ASS1: variants seen among roughly 807,000 people sequenced by gnomAD.
The protein encoded by ASS1 is argininosuccinate synthase.
In ASS1, 58 loss-of-function variants were observed where a neutral mutation model predicts 60.5. That is an observed-to-expected ratio of 0.96 (90% CI 0.78 to 1.19). The LOEUF is 1.19. Among genes scored for constraint, ASS1 ranks in the 50% most tolerant of loss-of-function variants. The pLI, the probability that ASS1 is intolerant of heterozygous loss-of-function variation, is 0.00. For synonymous variants in ASS1, 200 were observed against 206.9 expected (o/e 0.97, Z 0.29); for missense variants, 454 against 547.3 (o/e 0.83, Z 1.70).
intron 8 of ASS1, among the ~76,000 whole-genome samples, chr9:130,473,926 C>T (rs1284458528): frequency 6.6e-6 from 1 of 152,118 alleles, no homozygotes; most frequent in African/African-American, 2.4e-5. Context: ...GCCTCTACAT[C>T]ATGGTTTAGT....
At chr9:130,485,262 G>T (rs1018528483) in intron 11 of ASS1, among the ~76,000 whole-genome samples, 1 of 152,156 alleles carries the variant, frequency 6.6e-6, no homozygotes, top group Non-Finnish European at 1.5e-5. Flanking sequence ...GGCACACCTG[G>T]AGGACGCTCT....
intron 1 of ASS1, among the ~76,000 whole-genome samples, chr9:130,449,079 C>G (rs1845265948): frequency 6.6e-6 from 1 of 152,136 alleles, no homozygotes; most frequent in South Asian, 2.1e-4. Flanking sequence ...GCCTGGAATC[C>G]CAGCACTTTG....
chr9:130,493,753 G>A (rs1323863896), intron 12 of ASS1, among the ~76,000 whole-genome samples: 1 of 151,926 alleles, frequency 6.6e-6, no homozygotes, highest in Non-Finnish European at 1.5e-5. Context: ...GCCATGGCCT[G>A]CCTGCCTGCC....
chr9:130,460,347 C>T (rs942606776), intron 4 of ASS1, among the ~76,000 whole-genome samples: 4 of 152,224 alleles, frequency 2.6e-5, no homozygotes, highest in African/African-American at 9.6e-5. Context: ...CAAGCTTGCA[C>T]TGGGTATCTG....
Position 130,478,422 on chromosome 9 carries a change from TGCCCGAGGACCAGGGCAGCTC to T in ASS1, c.689-1293_689-1273del, listed in dbSNP as rs1197115923. ...CCTGGGCACCAGGCTCTGGCAGCCC[TGCCCGAGGACCAGGGCAGCTC>T]CGCAGGCTGAGCTGGAGAAGAAACG... On this transcript the variant is annotated intron_variant, in intron 9 of 14. Coordinates refer to ENST00000352480, the MANE Select transcript of ASS1 (RefSeq NM_054012.4). This position sits in a 1 kb window ranked among gnomAD's most constrained non-coding sequence, Gnocchi z 4.7. Among the ~76,000 whole-genome samples the T allele has an allele frequency of 6.6e-6, 1 of 152,246 alleles. No individual in the cohort carries two copies. Among genetic ancestry groups the T allele is most frequent in the East Asian group, 1.9e-4 (1 of 5,146 alleles).
chr9:130,444,852 C>A (rs1302047785), upstream of ASS1: 1 of 152,242 alleles, frequency 6.6e-6, no homozygotes, highest in Non-Finnish European at 1.5e-5. The surrounding 1 kb of genome is among the most constrained non-coding windows in gnomAD (Gnocchi z 4.7). Flanking sequence ...CAGGCGGGGG[C>A]CGGGCCCGGG....
chr9:130,480,626 G>A lies in ASS1; in HGVS notation c.838+177G>A, dbSNP rs149800198. Among the ~76,000 whole-genome samples, 170 of 152,358 alleles carry A rather than the reference G, an allele frequency of 1.1e-3. 1 individual carries two copies. Among genetic ancestry groups the A allele is most frequent in the Middle Eastern group, 0.01 (3 of 294 alleles). ...CCCTCCTGCCAAGTGGGGATCGTGG[G>A]CCCTTTGCCCCTGACTTTCAGGGTG... is the stretch of plus-strand genomic sequence containing the variant. On this transcript the variant is annotated intron_variant, in intron 11 of 14. Coordinates refer to ENST00000352480, the MANE Select transcript of ASS1 (RefSeq NM_054012.4).
chr9:130,474,402 G>T (rs1046959868), intron 8 of ASS1, among the ~76,000 whole-genome samples: 3 of 152,110 alleles, frequency 2.0e-5, no homozygotes, highest in African/African-American at 7.2e-5. Flanking sequence ...GCTCCCTCAG[G>T]AAGTGTGGCG....
intron 6 of ASS1, among the ~76,000 whole-genome samples, chr9:130,469,959 G>T (rs1321025580): frequency 1.3e-5 from 2 of 152,202 alleles, no homozygotes; most frequent in Non-Finnish European, 2.9e-5. Flanking sequence ...TGAGGGGCTG[G>T]GTGGGGCCCC....
At chr9:130,454,220 G>C (rs919069359) in intron 2 of ASS1, 85 bp from the exon 3 acceptor site, 8 of 1,353,894 alleles carry the variant, frequency 5.9e-6, no homozygotes, top group Admixed American at 1.9e-5. Context: ...TCTGTAGCAG[G>C]GGGTGGGAGG....
rs1338493474 is a variant in ASS1 at position 130,476,936 on chromosome 9, C to T, written c.663C>T (p.Asp221=). The T allele has an allele frequency of 1.9e-6, 3 of 1,614,024 alleles. No homozygotes were observed. Among genetic ancestry groups the T allele is most frequent in the Admixed American group, 3.3e-5 (2 of 60,010 alleles). ...CAGCCAAAGCCCCCAACACCCCTGACATTCTCGAGATCGAGTTCAAAAAAG... is the reference window on the plus strand; with the variant it reads ...CAGCCAAAGCCCCCAACACCCCTGATATTCTCGAGATCGAGTTCAAAAAAG... ...QDPAKAPNTP[D]ILEIEFKKGV... is the part of the protein sequence containing the mutation. The change falls in exon 9 of 15, where the codon GAC becomes GAT. Residue 221 remains aspartate (D), a synonymous_variant. Transcript: ENST00000352480. The surrounding 1 kb of genome is among the most constrained non-coding windows in gnomAD (Gnocchi z 4.9).
rs181538047 is a variant in ASS1, at chr9:130,483,221, G to A, written c.838+2772G>A. On this transcript the variant is annotated intron_variant, in intron 11 of 14. Coordinates refer to ENST00000352480, the MANE Select transcript of ASS1 (RefSeq NM_054012.4). ...ACAGTAATGAGAGAAGCTGTTAATC[G>A]TCAATTATATTGAGGGCAGAACAGA... Among the ~76,000 whole-genome samples the A allele has an allele frequency of 9.1e-4, 139 of 151,990 alleles. 3 individuals are homozygous for A. In the South Asian group the frequency reaches 0.019, roughly 20 times the overall value.
At chr9:130,495,492 CACACACACAT>C (rs1846573569) in intron 13 of ASS1, among the ~76,000 whole-genome samples, 3 of 151,194 alleles carry the variant, frequency 2.0e-5, no homozygotes, top group African/African-American at 2.4e-5. Context: ...CACACACACA[CACACACACAT>C]ATATATATAA....
intron 3 of ASS1, 122 bp downstream of exon 3, chr9:130,454,495 G>A: frequency 9.3e-7 from 1 of 1,077,196 alleles, no homozygotes; most frequent in Non-Finnish European, 1.4e-6. Context: ...CTAAGAGTAT[G>A]AGATCATCCT....
rs1588472433 is a variant in ASS1 at position 130,454,247 on chromosome 9, G to T, written c.106-58G>T. ...GGTGGGAGGCTGCTGCATGCGGATG[G>T]TGTGAACTCAGGGCTCCCCCCAGGG... On this transcript the variant is annotated intron_variant, in intron 2 of 14. Coordinates refer to ENST00000352480, the MANE Select transcript of ASS1 (RefSeq NM_054012.4). 1.9e-6 allele frequency: 3 copies of T among 1,556,574 alleles called. No homozygotes were observed. In the African/African-American group the frequency reaches 4.1e-5, roughly 21 times the overall value.
chr9:130,473,212 G>T lies in ASS1; in HGVS notation c.597+1697G>T, dbSNP rs185578262. 5.8e-4 allele frequency among the ~76,000 whole-genome samples: 88 copies of T among 152,252 alleles called. 2 individuals carry two copies. Among genetic ancestry groups the T allele is most frequent in the African/African-American group, 2.1e-3 (87 of 41,550 alleles). ...TTTCTTCTTATTGCTGTGCAACCTC[G>T]AGCAAGTTACCCAACCTCTCTGAGC... On this transcript the variant is annotated intron_variant, in intron 8 of 14. Coordinates refer to ENST00000352480, the MANE Select transcript of ASS1 (RefSeq NM_054012.4).
At chr9:130,446,583 G>A (rs1209370757) in intron 1 of ASS1, among the ~76,000 whole-genome samples, 1 of 152,252 alleles carries the variant, frequency 6.6e-6, no homozygotes, top group South Asian at 2.1e-4. Flanking sequence ...GACACGTCGT[G>A]AGAGGGAAGG....
At chr9:130,500,222 A>C (rs1317623133) in intron 14 of ASS1, among the ~76,000 whole-genome samples, 1 of 152,166 alleles carries the variant, frequency 6.6e-6, no homozygotes, top group Non-Finnish European at 1.5e-5. Flanking sequence ...GCTCAAGGGC[A>C]AACAGGGTCG....
Position 130,494,022 on chromosome 9 carries a change from C to T in ASS1, c.971-845C>T, listed in dbSNP as rs112630776. Among the ~76,000 whole-genome samples, 582 of 152,304 alleles carry T rather than the reference C, an allele frequency of 3.8e-3. 2 individuals are homozygous for T. Among genetic ancestry groups the T allele is most frequent in the African/African-American group, 0.013 (546 of 41,570 alleles). On this transcript the variant is annotated intron_variant, in intron 12 of 14. Coordinates refer to ENST00000352480, the MANE Select transcript of ASS1 (RefSeq NM_054012.4). The surrounding 1 kb of genome is among the most constrained non-coding windows in gnomAD (Gnocchi z 4.3). ...AAGTCAAATGGAGGCTCCCCACTTCCGGCCTGTGTGATCCTGGAGAAGTTT... is the reference window on the plus strand; with the variant it reads ...AAGTCAAATGGAGGCTCCCCACTTCTGGCCTGTGTGATCCTGGAGAAGTTT...
Sources: gnomAD v4.1 joint callset for allele counts (sites outside exome capture counted in the v4.1 genomes callset) on GRCh38, gnomAD v4.1.1 for gene constraint, Gnocchi (gnomAD v3.1) non-coding constraint, MANE v1.5 for transcripts, NCBI Gene and HGNC (gene_info 2026-07-23, HGNC 2026-07-21) for gene names.